HLA-DRA: variants seen among roughly 807,000 people sequenced by gnomAD.
The protein encoded by HLA-DRA is HLA class II histocompatibility antigen, DR alpha chain.
A neutral mutation model predicts 22.1 loss-of-function variants in HLA-DRA; 8 were observed. That is an observed-to-expected ratio of 0.36 (90% CI 0.21 to 0.65). The LOEUF (loss-of-function observed/expected upper bound fraction) is 0.65. HLA-DRA is among the 30% of genes least tolerant of loss of function. HLA-DRA has a pLI of 0.63. For synonymous variants in HLA-DRA, 101 were observed against 117.1 expected, an observed-to-expected ratio of 0.86 and a Z score of 0.89; for missense variants, 248 against 321.3, an observed-to-expected ratio of 0.77 and a Z score of 1.74.
intron 2 of HLA-DRA, among the ~76,000 whole-genome samples, chr6:32,442,926 C>T (rs1242746958): frequency 6.6e-6 from 1 of 152,108 alleles, no homozygotes; most frequent in Non-Finnish European, 1.5e-5. Context: ...AGTCATTGCC[C>T]TAAGTTCATG....
chr6:32,443,743 T>A lies in HLA-DRA; in HGVS notation c.611-13T>A. The A allele has an allele frequency of 2.6e-6, 4 of 1,568,412 alleles. No homozygotes were observed. Among genetic ancestry groups the A allele is most frequent in the Non-Finnish European group, 3.4e-6 (4 of 1,159,724 alleles). The stretch of plus-strand genomic sequence containing the variant: ...ACACTCATTACCATGTACTCTGCCT[T>A]ATTTCCCCCCAGAGTTTGATGCTCC... On this transcript the variant is annotated splice_polypyrimidine_tract_variant and intron_variant, in intron 3 of 4. Coordinates refer to ENST00000395388, the MANE Select transcript of HLA-DRA (RefSeq NM_019111.5).
chr6:32,444,561 C>T (rs1762815267), intron 4 of HLA-DRA, 91 bp from the exon 5 acceptor site: 1 of 152,070 alleles, frequency 6.6e-6, no homozygotes, highest in Non-Finnish European at 1.5e-5. Context: ...TTTGCAAAGT[C>T]AAAGGATTAA....
chr6:32,442,318 C>T (rs1048570363), intron 1 of HLA-DRA, 130 bp from the exon 2 acceptor site: 7 of 1,094,698 alleles, frequency 6.4e-6, no homozygotes, highest in East Asian at 2.4e-5. Context: ...CATCCCTACT[C>T]GCCATCATTC....
In HLA-DRA at chr6:32,444,940, G is replaced by C. The variant is rs953354820; in HGVS notation, c.*300G>C. 1 of 154,232 alleles carries C rather than the reference G, an allele frequency of 6.5e-6. No homozygotes were observed. The highest frequency in any genetic ancestry group is 1.5e-5 in the Non-Finnish European group (1 of 68,192). The allele number at this position is 154,232 out of a possible 1,614,324, so 9.6% of individuals were successfully genotyped here. On this transcript the variant is annotated 3_prime_UTR_variant, in exon 5 of 5. Coordinates refer to ENST00000395388, the MANE Select transcript of HLA-DRA (RefSeq NM_019111.5). ...ATAAAACATACAGGAGTCTGTCTCT[G>C]CTATGGAATGCCCCATGGGGCATCT... is the stretch of plus-strand genomic sequence containing the variant.
rs1468963164 is a variant in HLA-DRA at position 32,443,747 on chromosome 6, T to C, written c.611-9T>C. ...TCATTACCATGTACTCTGCCTTATT[T>C]CCCCCCAGAGTTTGATGCTCCAAGC... On this transcript the variant is annotated splice_polypyrimidine_tract_variant and intron_variant, in intron 3 of 4. Coordinates refer to ENST00000395388, the MANE Select transcript of HLA-DRA (RefSeq NM_019111.5). The C allele has an allele frequency of 6.4e-7, 1 of 1,570,762 alleles. No individual in the cohort carries two copies. Among genetic ancestry groups the C allele is most frequent in the Admixed American group, 1.9e-5 (1 of 52,592 alleles).
chr6:32,442,694 G>T lies in HLA-DRA; in HGVS notation c.328+1G>T. ...TCCAACTATACTCCGATCACCAATG[G>T]TACCTCCCTCTCTGCTGCACTCCTG... On this transcript the variant is annotated splice_donor_variant, in intron 2 of 4. Transcript: ENST00000395388. LOFTEE classifies it high-confidence loss of function. 1 of 1,612,838 alleles carries T rather than the reference G, an allele frequency of 6.2e-7. No individual in the cohort carries two copies. Among genetic ancestry groups the T allele is most frequent in the East Asian group, 2.2e-5 (1 of 44,882 alleles).
intron 1 of HLA-DRA, among the ~76,000 whole-genome samples, 177 bp downstream of exon 1, chr6:32,440,209 GAAGT>G (rs1762529209): frequency 7.1e-6 from 1 of 141,670 alleles, no homozygotes; most frequent in South Asian, 2.3e-4. Context: ...ACCACAAACT[GAAGT>G]AAGTCAAATT....
chr6:32,443,018 G>T (rs1030507226), intron 2 of HLA-DRA, among the ~76,000 whole-genome samples, 167 bp from the exon 3 acceptor site: 2 of 152,162 alleles, frequency 1.3e-5, no homozygotes, highest in African/African-American at 4.8e-5. Flanking sequence ...TGCTGTCAGA[G>T]ATTGTTATCT....
Position 32,440,007 on chromosome 6 carries a change from C to G in HLA-DRA, c.57C>G (p.Ser19Arg), listed in dbSNP as rs371443293. 1 of 1,613,848 alleles carries G rather than the reference C, an allele frequency of 6.2e-7. No individual in the cohort carries two copies. The highest frequency in any genetic ancestry group is 8.5e-7 in the Non-Finnish European group (1 of 1,179,898). Reference protein sequence around the residue: ...LGFFIIAVLMSAQESWAIKEE... With the variant: ...LGFFIIAVLMRAQESWAIKEE... ...TTTTCATCATAGCTGTGCTGATGAGCGCTCAGGAATCATGGGCTATCAAAG... is the reference window on the plus strand; with the variant it reads ...TTTTCATCATAGCTGTGCTGATGAGGGCTCAGGAATCATGGGCTATCAAAG... Residue 19 changes from serine to arginine, a missense_variant, in exon 1 of 5, where the codon AGC becomes AGG. By Grantham distance (110) the Ser-to-Arg change is moderately radical. Transcript: ENST00000395388.
chr6:32,443,834 G>T lies in HLA-DRA; in HGVS notation c.689G>T (p.Gly230Val). ...CTGGGCCTGACTGTGGGTCTGGTGG[G>T]CATCATTATTGGGACCATCTTCATC... ...CALGLTVGLV[G>V]IIIGTIFIIK... Residue 230 changes from glycine (G) to valine (V), a missense_variant, in exon 4 of 5, where the codon GGC (glycine) becomes GTC (valine). Physicochemically the swap from Gly to Val is moderately radical, Grantham distance 109. Coordinates refer to ENST00000395388, the MANE Select transcript of HLA-DRA (RefSeq NM_019111.5). 1 of 1,612,124 alleles carries T rather than the reference G, an allele frequency of 6.2e-7. No homozygotes were observed. The highest frequency in any genetic ancestry group is 8.5e-7 in the Non-Finnish European group (1 of 1,179,610).
Position 32,440,262 on chromosome 6 carries a change from T to C in HLA-DRA, c.82+230T>C, listed in dbSNP as rs1299640140. Among the ~76,000 whole-genome samples the C allele has an allele frequency of 5.4e-5, 6 of 111,724 alleles. No individual in the cohort carries two copies. In the South Asian group the frequency reaches 1.6e-3, roughly 30 times the overall value. 73.3% of individuals were successfully genotyped at this position (111,724 alleles called of 152,430 possible). ...CAAAACTGAGTTGTGTATTGATGAA[T>C]AGCAAGGTCCTGCTACAAGCCAAAC... On this transcript the variant is annotated intron_variant, in intron 1 of 4. Transcript: ENST00000395388.
intron 1 of HLA-DRA, among the ~76,000 whole-genome samples, chr6:32,440,881 T>C (rs1471068518): frequency 6.6e-6 from 1 of 152,116 alleles, no homozygotes; most frequent in Admixed American, 6.5e-5. Flanking sequence ...CCAGCTCCCA[T>C]ACCCATAGTG....
Position 32,442,596 on chromosome 6 carries a change from C to A in HLA-DRA, c.231C>A (p.Ala77=). 1 of 1,613,048 alleles carries A rather than the reference C, an allele frequency of 6.2e-7. No individual in the cohort carries two copies. Among genetic ancestry groups the A allele is most frequent in the Non-Finnish European group, 8.5e-7 (1 of 1,180,038 alleles). ...VWRLEEFGRF[A]SFEAQGALAN... Reference sequence around the variant, plus strand: ...GGCTTGAAGAATTTGGACGATTTGCCAGCTTTGAGGCTCAAGGTGCATTGG... The same window carrying A: ...GGCTTGAAGAATTTGGACGATTTGCAAGCTTTGAGGCTCAAGGTGCATTGG... The change falls in exon 2 of 5, where the codon GCC becomes GCA. Residue 77 remains alanine (A), a synonymous_variant. Coordinates refer to ENST00000395388, the MANE Select transcript of HLA-DRA (RefSeq NM_019111.5).
Position 32,442,551 on chromosome 6 carries a change from AAAG to A in HLA-DRA, c.190_192del (p.Lys64del). The A allele has an allele frequency of 3.7e-6, 6 of 1,613,082 alleles. No individual in the cohort carries two copies. Among genetic ancestry groups the A allele is most frequent in the Non-Finnish European group, 5.1e-6 (6 of 1,180,034 alleles). ...ATGAGATTTTCCATGTGGATATGGCAAAGAAGGAGACGGTCTGGCGGCTTGAAG... is the reference window on the plus strand; with the variant it reads ...ATGAGATTTTCCATGTGGATATGGCAAAGGAGACGGTCTGGCGGCTTGAAG... On this transcript the variant is annotated inframe_deletion, in exon 2 of 5. Coordinates refer to ENST00000395388, the MANE Select transcript of HLA-DRA (RefSeq NM_019111.5).
chr6:32,440,770 C>T (rs1010144935), intron 1 of HLA-DRA, among the ~76,000 whole-genome samples: 2 of 152,162 alleles, frequency 1.3e-5, no homozygotes, highest in African/African-American at 4.8e-5. Context: ...TCCAGAGCAA[C>T]ATTGGTGCTG....
rs1051336 is a variant in HLA-DRA at position 32,444,815 on chromosome 6, G to C, written c.*175G>C. On this transcript the variant is annotated 3_prime_UTR_variant, in exon 5 of 5. Transcript: ENST00000395388. The stretch of plus-strand genomic sequence containing the variant: ...GTGGATATGCCTCTTCGATTGCTCC[G>C]TACTCTAACATCTAGCTGGCTTCCC... 6.5e-6 allele frequency: 1 copy of C among 153,558 alleles called. No homozygotes were observed. Among genetic ancestry groups the C allele is most frequent in the Non-Finnish European group, 1.5e-5 (1 of 68,052 alleles). 9.5% of individuals were successfully genotyped at this position (153,558 alleles called of 1,614,324 possible).
intron 2 of HLA-DRA, 68 bp from the exon 3 acceptor site, chr6:32,443,117 T>C (rs1583327984): frequency 7.3e-7 from 1 of 1,371,268 alleles, no homozygotes; most frequent in South Asian, 1.2e-5. Context: ...CAATTGAGCA[T>C]GGGAGGGAGA....
intron 4 of HLA-DRA, 30 bp downstream of exon 4, chr6:32,443,951 A>G: frequency 1.4e-6 from 2 of 1,444,356 alleles, no homozygotes; most frequent in Non-Finnish European, 9.2e-7. Flanking sequence ...AGGAAGACGT[A>G]TATGGAGATA....
intron 2 of HLA-DRA, 98 bp from the exon 3 acceptor site, chr6:32,443,087 T>A (rs1016210335): frequency 1.8e-6 from 2 of 1,113,762 alleles, no homozygotes; most frequent in African/African-American, 3.1e-5. Flanking sequence ...GCTTTAGGGT[T>A]TTTAGATACG....
Sources: allele counts gnomAD v4.1 joint callset (sites outside exome capture counted in the v4.1 genomes callset), GRCh38; gene constraint gnomAD v4.1.1; transcripts MANE v1.5; gene names NCBI Gene and HGNC (gene_info 2026-07-23, HGNC 2026-07-21).